The following HNRNPH1 variants were observed in gnomAD, a reference collection of about 807,000 sequenced individuals.
HNRNPH1 encodes the protein heterogeneous nuclear ribonucleoprotein H1.
HNRNPH1 carries 4 observed loss-of-function variants against 58.6 expected under a neutral mutation model. That is an observed-to-expected ratio of 0.07 (90% CI 0.03 to 0.16). The LOEUF is 0.16. HNRNPH1 is among the 10% of genes least tolerant of loss of function. The pLI is 1.00. For synonymous variants in HNRNPH1, 192 were observed against 189.2 expected (o/e 1.01, Z -0.12); for missense variants, 271 against 564.2 (o/e 0.48, Z 5.26).
At chr5:179,623,062 G>C (rs370689693) in exon 1 of HNRNPH1, 1 of 1,596,586 alleles carries the variant, frequency 6.3e-7, no homozygotes, top group African/African-American at 1.3e-5. Flanking sequence ...GCACTTCATC[G>C]GCCGAGCAAG....
Position 179,624,482 on chromosome 5 carries a change from G to C in HNRNPH1, c.-1349C>G, listed in dbSNP as rs1015072018. The stretch of plus-strand genomic sequence containing the variant: ...TGGGGCCCTGGCACGAGGAGGGATC[G>C]CGAGCGCGGGCTCCACGGGTGCGCG... On this transcript the variant is annotated 5_prime_UTR_variant, in exon 1 of 13. Transcript: ENST00000356731. The C allele has an allele frequency of 3.2e-4, 128 of 398,514 alleles. 1 individual carries two copies. The Middle Eastern group carries it at 5.6e-3, about 17-fold the overall frequency. 24.7% of individuals were successfully genotyped at this position (398,514 alleles called of 1,614,324 possible).
Position 179,619,470 on chromosome 5 carries a change from G to T in HNRNPH1, c.398-63C>A. ...ATATTAACATCACAAGCCCAGAAAT[G>T]ATTCTTCTTATAGCTTTAAATAAAC... On this transcript the variant is annotated intron_variant, in intron 3 of 12. Transcript: ENST00000356731. 2.7e-6 allele frequency: 4 copies of T among 1,478,908 alleles called. No homozygotes were observed. The East Asian group carries it at 7.0e-5, about 26-fold the overall frequency. The allele number at this position is 1,478,908 out of a possible 1,614,324, so 91.6% of individuals were successfully genotyped here. A position where few individuals can be genotyped will look rare whatever the true frequency, so the allele number is the denominator to read the frequency against.
chr5:179,618,025 C>T lies in HNRNPH1; in HGVS notation c.751G>A (p.Asp251Asn). Residue 251 changes from aspartate (D) to asparagine (N), a missense_variant, in exon 6 of 13, where the codon GAT (aspartate) becomes AAT (asparagine). Transcript: ENST00000356731. ...CTATCTGACCCAAATCCATAGCCAT[C>T]ATTATAGCCATTGTAATCATCATAG... 6.2e-7 allele frequency: 1 copy of T among 1,614,178 alleles called. No homozygotes were observed. The highest frequency in any genetic ancestry group is 1.1e-5 in the South Asian group (1 of 91,090).
At chr5:179,633,458 C>A (rs1313646668) in intron 2 of HNRNPH1, among the ~76,000 whole-genome samples, 2 of 127,240 alleles carry the variant, frequency 1.6e-5, no homozygotes, top group Non-Finnish European at 3.2e-5. Flanking sequence ...CCACACCCGG[C>A]TAATTTTTTT....
At chr5:179,614,743 A>T (rs996027108) in exon 13 of HNRNPH1, 3 of 661,854 alleles carry the variant, frequency 4.5e-6, no homozygotes, top group Non-Finnish European at 7.8e-6. Flanking sequence ...ATAAATCACA[A>T]GCTTGTATTG....
At chr5:179,619,129 GAC>G (rs1206440526) in intron 4 of HNRNPH1, 138 bp downstream of exon 5, 57 of 747,340 alleles carry the variant, frequency 7.6e-5, no homozygotes, top group African/African-American at 7.0e-4. Context: ...ACGTGGGACT[GAC>G]ACAAGTTTGG....
chr5:179,620,741 A>G (rs1771946645), intron 3 of HNRNPH1, 151 bp downstream of exon 4: 2 of 652,772 alleles, frequency 3.1e-6, no homozygotes, highest in Admixed American at 3.0e-5. Context: ...ATGGGCTTAA[A>G]TTATTTGAAG....
chr5:179,615,129 T>C, intron 12 of HNRNPH1, 170 bp from the exon 14 acceptor site: 1 of 592,244 alleles, frequency 1.7e-6, no homozygotes, highest in East Asian at 2.8e-5. Context: ...AAGCCTCAAT[T>C]AACCCCTTTT....
rs369493477 is a variant in HNRNPH1 at position 179,616,089 on chromosome 5, A to G, written c.1300+37T>C. ...AGTACAGTAATGAACAGGCTTTACC[A>G]TAACTTACTCTAAGTACAGTAACAA... is the stretch of plus-strand genomic sequence containing the variant. On this transcript the variant is annotated intron_variant, in intron 11 of 12. Coordinates refer to ENST00000356731, the Ensembl canonical transcript of HNRNPH1. 110 of 1,512,582 alleles carry G rather than the reference A, an allele frequency of 7.3e-5. 1 individual carries two copies. The highest frequency in any genetic ancestry group is 6.8e-4 in the Middle Eastern group (4 of 5,924). The allele number at this position is 1,512,582 out of a possible 1,614,324, so 93.7% of individuals were successfully genotyped here.
At position 179,621,052 on chromosome 5, in the gene HNRNPH1, G is replaced by A. The variant is rs372649727; in HGVS notation, c.254-17C>T. 3.7e-6 allele frequency: 6 copies of A among 1,610,950 alleles called. No individual in the cohort carries two copies. Among genetic ancestry groups the A allele is most frequent in the Admixed American group, 1.7e-5 (1 of 59,742 alleles). ...ACTTGAATACTGAAAGAGGTGCTTA[G>A]AATTAGTCACTTTTGGAAAATTAGA... On this transcript the variant is annotated splice_polypyrimidine_tract_variant and intron_variant, in intron 2 of 12. Transcript: ENST00000356731.
At chr5:179,616,425 C>T (rs1016384193) in intron 10 of HNRNPH1, 15 of 585,450 alleles carry the variant, frequency 2.6e-5, no homozygotes, top group South Asian at 1.2e-4. Flanking sequence ...AAAGTGCTAA[C>T]GGTACACACA....
chr5:179,621,196 T>C, intron 2 of HNRNPH1, 46 bp downstream of exon 3: 1 of 1,580,410 alleles, frequency 6.3e-7, no homozygotes. Flanking sequence ...GAGACCTCTA[T>C]TGTTTAATGC....
Position 179,615,615 on chromosome 5 carries a change from G to A in HNRNPH1, c.1301-20C>T, listed in dbSNP as rs527549310. ...CTTGGTCTGCAAAAGGATTTTGTAG[G>A]GTAAGACTATAATACCAAAATCACC... On this transcript the variant is annotated intron_variant, in intron 11 of 12. Transcript: ENST00000356731. 23 of 1,437,364 alleles carry A rather than the reference G, an allele frequency of 1.6e-5. No homozygotes were observed. The highest frequency in any genetic ancestry group is 2.4e-5 in the South Asian group (2 of 84,436). The allele number at this position is 1,437,364 out of a possible 1,614,324, so 89.0% of individuals were successfully genotyped here. A position where few individuals can be genotyped will look rare whatever the true frequency, so the allele number is the denominator to read the frequency against.
At chr5:179,623,612 A>C (rs1692409522) in exon 1 of HNRNPH1, 1 of 155,692 alleles carries the variant, frequency 6.4e-6, no homozygotes, top group Non-Finnish European at 1.4e-5. Context: ...GCTGAACTGC[A>C]AGCGAGGACC....
chr5:179,615,869 T>C (rs540898157), intron 11 of HNRNPH1: 162 of 528,606 alleles, frequency 3.1e-4, no homozygotes, highest in African/African-American at 2.7e-3. Context: ...CAATGACTAG[T>C]TCTTAATTCA....
chr5:179,627,768 A>G (rs559111995), upstream of HNRNPH1, among the ~76,000 whole-genome samples: 310 of 142,498 alleles, frequency 2.2e-3, 2 homozygotes, highest in African/African-American at 7.4e-3. Context: ...CCAAAAATAC[A>G]AAAATTAGCC....
intron 2 of HNRNPH1, among the ~76,000 whole-genome samples, chr5:179,633,337 C>A (rs150142856): frequency 6.6e-6 from 1 of 151,504 alleles, no homozygotes. Flanking sequence ...ACTTTATCGC[C>A]CAGGCTGGAG....
exon 1 of HNRNPH1, chr5:179,624,376 C>A: frequency 2.5e-6 from 1 of 396,710 alleles, no homozygotes; most frequent in African/African-American, 2.1e-5. Flanking sequence ...GTGGCTCGCG[C>A]CTGTACCCAG....
At chr5:179,616,068 C>G (rs904999003) in intron 11 of HNRNPH1, 58 bp downstream of exon 12, 1 of 1,377,474 alleles carries the variant, frequency 7.3e-7, no homozygotes, top group African/African-American at 1.4e-5. Context: ...ACTCTAAGTA[C>G]AGTAATGAAC....
Sources: gnomAD v4.1 joint callset for allele counts (sites outside exome capture counted in the v4.1 genomes callset) on GRCh38, gnomAD v4.1.1 for gene constraint, MANE v1.5 for transcripts, NCBI Gene and HGNC (gene_info 2026-07-23, HGNC 2026-07-21) for gene names.